Variants in RIMS2 observed in about 807,000 individuals in gnomAD.
RIMS2 encodes regulating synaptic membrane exocytosis 2.
RIMS2 carries 59 observed loss-of-function variants against 174.4 expected under a neutral mutation model. The observed-to-expected ratio is 0.34, with a 90% CI of 0.27 to 0.42. The LOEUF (loss-of-function observed/expected upper bound fraction) is 0.42. Among genes scored for constraint, RIMS2 ranks in the 10% least tolerant of loss-of-function variants. The probability of loss-of-function intolerance (pLI) is 1.00; values close to 1 mark genes in which losing one functional copy is unlikely to be tolerated. For synonymous variants in RIMS2, 606 were observed against 572.5 expected, an observed-to-expected ratio of 1.06 and a Z score of -0.84; for missense variants, 1,620 against 1,666.3, an observed-to-expected ratio of 0.97 and a Z score of 0.48.
chr8:103,625,352 C>T (rs1369178089), intron 1 of RIMS2, among the ~76,000 whole-genome samples: 2 of 152,102 alleles, frequency 1.3e-5, no homozygotes, highest in Non-Finnish European at 2.9e-5. Flanking sequence ...AATGAGTTCA[C>T]ATTCTGGTTG....
At chr8:104,214,188 G>T (rs2099119195) in intron 19 of RIMS2, among the ~76,000 whole-genome samples, 1 of 152,122 alleles carries the variant, frequency 6.6e-6, no homozygotes, top group Admixed American at 6.5e-5. Flanking sequence ...ATACTGATTT[G>T]CCTCTCCTTG....
intron 19 of RIMS2, among the ~76,000 whole-genome samples, chr8:104,139,334 A>G (rs186599719): frequency 3.2e-4 from 48 of 152,228 alleles, no homozygotes; most frequent in African/African-American, 1.0e-3. Context: ...ATTACATTGA[A>G]TCTGTAGATT....
chr8:104,148,959 A>G (rs1327950797), intron 19 of RIMS2, 111 bp downstream of exon 25: 2 of 1,133,366 alleles, frequency 1.8e-6, no homozygotes, highest in South Asian at 1.5e-5. Flanking sequence ...GACATGTTCC[A>G]GAGGGAAAGG....
intron 1 of RIMS2, among the ~76,000 whole-genome samples, chr8:103,654,531 T>C (rs1000965567): frequency 3.3e-5 from 5 of 152,018 alleles, no homozygotes; most frequent in Admixed American, 6.6e-5. Context: ...CAATAGATTC[T>C]CTTAATAGCT....
intron 19 of RIMS2, among the ~76,000 whole-genome samples, chr8:104,234,863 C>G (rs2099250436): frequency 2.6e-5 from 4 of 152,108 alleles, no homozygotes; most frequent in Admixed American, 2.6e-4. Flanking sequence ...CTTTTCAACT[C>G]CACATGTTGG....
chr8:103,630,190 C>T (rs1167044958), intron 1 of RIMS2, among the ~76,000 whole-genome samples: 1 of 151,198 alleles, frequency 6.6e-6, no homozygotes, highest in African/African-American at 2.4e-5. Context: ...AGAAATGATG[C>T]CTAACATAGG....
intron 19 of RIMS2, among the ~76,000 whole-genome samples, chr8:104,125,486 T>C (rs2098420967): frequency 6.6e-6 from 1 of 152,180 alleles, no homozygotes; most frequent in Non-Finnish European, 1.5e-5. Context: ...TAATAGATGG[T>C]TATTGTCATC....
chr8:104,124,080 A>AT (rs530247685), intron 19 of RIMS2, among the ~76,000 whole-genome samples: 2 of 152,086 alleles, frequency 1.3e-5, no homozygotes, highest in African/African-American at 2.4e-5. Flanking sequence ...CCAGTGCAAA[A>AT]TTTTTTTTAA....
Position 103,848,760 on chromosome 8 carries a change from C to T in RIMS2, c.699-36538C>T, listed in dbSNP as rs1041204775. On this transcript the variant is annotated intron_variant, in intron 3 of 23. Transcript: ENST00000504942. ...GCGAATCTCTGGTTTTGCTCTGGGCCCTACTCTGACAGGACCCTCACTTTA... is the reference window on the plus strand; with the variant it reads ...GCGAATCTCTGGTTTTGCTCTGGGCTCTACTCTGACAGGACCCTCACTTTA... Among the ~76,000 whole-genome samples the T allele has an allele frequency of 2.0e-5, 3 of 152,004 alleles. No homozygotes were observed. The East Asian group carries it at 5.8e-4, about 29-fold the overall frequency.
chr8:103,895,407 A>G (rs190563532), intron 4 of RIMS2, among the ~76,000 whole-genome samples: 1 of 151,478 alleles, frequency 6.6e-6, no homozygotes. Flanking sequence ...CCCTCTTTCC[A>G]AGTTGCAAAT....
chr8:103,915,651 G>A (rs895887561), intron 7 of RIMS2, 57 bp downstream of exon 10: 2 of 800,054 alleles, frequency 2.5e-6, no homozygotes, highest in African/African-American at 3.5e-5. Context: ...GTAGTTATGA[G>A]TTATTTTCAT....
intron 19 of RIMS2, among the ~76,000 whole-genome samples, chr8:104,120,119 C>T (rs2098349050): frequency 6.6e-6 from 1 of 152,136 alleles, no homozygotes; most frequent in African/African-American, 2.4e-5. Context: ...CTTCAGGCTT[C>T]AGTTTTCTCA....
At chr8:104,139,247 TGA>T (rs1444972408) in intron 19 of RIMS2, among the ~76,000 whole-genome samples, 1 of 152,166 alleles carries the variant, frequency 6.6e-6, no homozygotes, top group East Asian at 1.9e-4. Context: ...TTAGCTATTC[TGA>T]GTCTTTTGTG....
chr8:103,780,327 C>G (rs1464292053), intron 3 of RIMS2, among the ~76,000 whole-genome samples: 1 of 152,092 alleles, frequency 6.6e-6, no homozygotes, highest in African/African-American at 2.4e-5. Flanking sequence ...TTCTTTGAAG[C>G]TTTTACCTTT....
rs374435357 is a variant in RIMS2, at chr8:103,665,521, A to G, written c.177-31565A>G. Among the ~76,000 whole-genome samples the G allele has an allele frequency of 4.2e-3, 643 of 152,362 alleles. 4 individuals carry two copies. The highest frequency in any genetic ancestry group is 0.015 in the African/African-American group (612 of 41,592). ...TTTGAGATATGCTATGAGTCTAAAA[A>G]GAATTAATCAAATATCTGACCTATT... On this transcript the variant is annotated intron_variant, in intron 1 of 23. Coordinates refer to ENST00000504942, the Ensembl canonical transcript of RIMS2.
At chr8:103,611,231 T>G (rs1302649117) in intron 1 of RIMS2, among the ~76,000 whole-genome samples, 1 of 152,204 alleles carries the variant, frequency 6.6e-6, no homozygotes, top group Non-Finnish European at 1.5e-5. Flanking sequence ...TTCCCCTGTT[T>G]TAAAACTTTT....
chr8:104,032,104 C>T (rs139650486), intron 19 of RIMS2, among the ~76,000 whole-genome samples: 3 of 152,102 alleles, frequency 2.0e-5, no homozygotes, highest in African/African-American at 7.2e-5. Context: ...TGCAGAGGTA[C>T]TTGCTTCCCT....
At chr8:104,223,514 C>A (rs1276093626) in intron 19 of RIMS2, 2 of 1,404,182 alleles carry the variant, frequency 1.4e-6, no homozygotes, top group Admixed American at 6.2e-5. Flanking sequence ...GTCAGGGAGG[C>A]AGGGGCCAGA....
intron 14 of RIMS2, among the ~76,000 whole-genome samples, chr8:103,946,073 T>C (rs1446285781): frequency 6.6e-6 from 1 of 152,190 alleles, no homozygotes; most frequent in East Asian, 1.9e-4. Flanking sequence ...CGTGATTCTA[T>C]ATGTAGAAAA....
Sources: allele counts gnomAD v4.1 joint callset (sites outside exome capture counted in the v4.1 genomes callset), GRCh38; gene constraint gnomAD v4.1.1; transcripts MANE v1.5; gene names NCBI Gene and HGNC (gene_info 2026-07-23, HGNC 2026-07-21).